The following SDHC variants were observed in gnomAD, a reference collection of about 807,000 sequenced individuals.
SDHC encodes succinate dehydrogenase cytochrome b560 subunit, mitochondrial.
A neutral mutation model predicts 22.6 loss-of-function variants in SDHC; 11 were observed. That is an observed-to-expected ratio of 0.49 (90% CI 0.31 to 0.81). The LOEUF (loss-of-function observed/expected upper bound fraction) is 0.81. SDHC is among the 30% of genes least tolerant of loss of function. SDHC has a pLI of 0.05. For synonymous variants in SDHC, 80 were observed against 77.8 expected (o/e 1.03, Z -0.15); for missense variants, 160 against 212.0 (o/e 0.75, Z 1.52).
chr1:161,347,559 T>A (rs1418705978), intron 4 of SDHC, among the ~76,000 whole-genome samples: 1 of 149,296 alleles, frequency 6.7e-6, no homozygotes, highest in African/African-American at 2.5e-5. Context: ...CCGGCTGAGG[T>A]CTGTTTCTTA....
At chr1:161,342,490 G>A (rs933029359) in intron 4 of SDHC, among the ~76,000 whole-genome samples, 8 of 151,842 alleles carry the variant, frequency 5.3e-5, no homozygotes, top group Non-Finnish European at 1.2e-4. Flanking sequence ...TCTCTCCTGT[G>A]GATAGTTCCC....
intron 3 of SDHC, among the ~76,000 whole-genome samples, chr1:161,334,385 G>A (rs376717073): frequency 3.8e-4 from 58 of 152,062 alleles, no homozygotes; most frequent in Middle Eastern, 3.4e-3. Context: ...CACTGGGCCC[G>A]TCCTAATAAT....
At chr1:161,322,279 T>A (rs534174967) in intron 1 of SDHC, among the ~76,000 whole-genome samples, 2 of 149,110 alleles carry the variant, frequency 1.3e-5, no homozygotes, top group South Asian at 2.2e-4. Context: ...CTCCTTAGAA[T>A]GCCTAGGCAC....
chr1:161,361,138 G>T (rs1672494125), intron 5 of SDHC, among the ~76,000 whole-genome samples: 3 of 152,132 alleles, frequency 2.0e-5, no homozygotes, highest in African/African-American at 7.2e-5. Flanking sequence ...AGAGGCAGGA[G>T]GATAGCTTGA....
chr1:161,358,032 CTTTTTTTT>C (rs34253350), intron 5 of SDHC, among the ~76,000 whole-genome samples: 2 of 104,830 alleles, frequency 1.9e-5, no homozygotes, highest in Admixed American at 1.0e-4. Context: ...GGTTAGGAAT[CTTTTTTTT>C]TTTTTTTTTT....
chr1:161,330,996 CA>C (rs61295520), intron 3 of SDHC, among the ~76,000 whole-genome samples: 34,004 of 101,754 alleles, frequency 0.33, 4,522 homozygotes, highest in African/African-American at 0.45. Context: ...GCTCTGTTTC[CA>C]AAAAAAAAAA....
rs751651691 is a variant in SDHC at position 161,323,700 on chromosome 1, TTA to T, written c.77+32_77+33del. 355 of 1,544,672 alleles carry T rather than the reference TTA, an allele frequency of 2.3e-4. 2 individuals are homozygous for T. The highest frequency in any genetic ancestry group is 7.0e-4 in the East Asian group (30 of 42,726). Reference sequence around the variant, plus strand: ...GTTTCTAAGTCTGGAGATTATTTATTTATTTTTTTTTTTGAGACGGAGTCTCG... The same window carrying T: ...GTTTCTAAGTCTGGAGATTATTTATTTTTTTTTTTTTGAGACGGAGTCTCG... On this transcript the variant is annotated intron_variant, in intron 2 of 5. Transcript: ENST00000367975.
chr1:161,344,685 G>A (rs1261064554), intron 4 of SDHC, among the ~76,000 whole-genome samples: 1 of 152,146 alleles, frequency 6.6e-6, no homozygotes, highest in Non-Finnish European at 1.5e-5. Context: ...CCAGGTGGAT[G>A]ACTTAAGCAA....
At chr1:161,341,405 A>T (rs188170169) in intron 4 of SDHC, among the ~76,000 whole-genome samples, 8 of 152,310 alleles carry the variant, frequency 5.3e-5, no homozygotes, top group Admixed American at 4.6e-4. Context: ...TTATTCATTT[A>T]TATAATATGA....
At position 161,360,839 on chromosome 1, in the gene SDHC, G is replaced by A. The variant is rs181813126; in HGVS notation, c.406-1490G>A. Among the ~76,000 whole-genome samples the A allele has an allele frequency of 2.2e-4, 33 of 152,146 alleles. No homozygotes were observed. The East Asian group carries it at 2.7e-3, about 13-fold the overall frequency. Reference sequence around the variant, plus strand: ...TAGAAAATATAGGCTGGGGCTGGGCGTGGTGGCTCATGCCTGTAATCCCAG... The same window carrying A: ...TAGAAAATATAGGCTGGGGCTGGGCATGGTGGCTCATGCCTGTAATCCCAG... On this transcript the variant is annotated intron_variant, in intron 5 of 5. Transcript: ENST00000367975.
chr1:161,360,198 TTATAA>T (rs1199354452), intron 5 of SDHC, among the ~76,000 whole-genome samples: 3 of 151,992 alleles, frequency 2.0e-5, no homozygotes, highest in Non-Finnish European at 4.4e-5. Flanking sequence ...ATTTAGTGAC[TTATAA>T]TATAATATTA....
At chr1:161,329,193 A>T (rs955744517) in intron 3 of SDHC, among the ~76,000 whole-genome samples, 20 of 152,160 alleles carry the variant, frequency 1.3e-4, no homozygotes, top group Non-Finnish European at 1.8e-4. Context: ...AGTGTGAGCC[A>T]CCATGCCCGG....
intron 3 of SDHC, among the ~76,000 whole-genome samples, chr1:161,339,184 A>G (rs953258638): frequency 6.6e-6 from 1 of 151,472 alleles, no homozygotes; most frequent in African/African-American, 2.4e-5. Flanking sequence ...AACTGTATTT[A>G]TTTATTTAGA....
At chr1:161,358,857 C>T (rs1288612486) in intron 5 of SDHC, among the ~76,000 whole-genome samples, 15 of 149,994 alleles carry the variant, frequency 1.0e-4, no homozygotes. Context: ...ACCCGGGAGG[C>T]AGAGGTTTCA....
chr1:161,336,150 CT>C (rs1160095826), intron 3 of SDHC, among the ~76,000 whole-genome samples: 2 of 152,074 alleles, frequency 1.3e-5, no homozygotes, highest in African/African-American at 2.4e-5. Context: ...GTGAAACTTT[CT>C]TTTTTAAGAG....
chr1:161,318,824 A>G (rs1330320194), intron 1 of SDHC, among the ~76,000 whole-genome samples: 1 of 151,522 alleles, frequency 6.6e-6, no homozygotes, highest in Admixed American at 6.6e-5. Context: ...ACCTGAGGTC[A>G]GGAGTTCAAG....
At chr1:161,320,902 C>T (rs996230079) in intron 1 of SDHC, among the ~76,000 whole-genome samples, 3 of 149,872 alleles carry the variant, frequency 2.0e-5, no homozygotes, top group Non-Finnish European at 4.4e-5. Context: ...TCCCAGCTCA[C>T]TGCAACCTCT....
intron 4 of SDHC, among the ~76,000 whole-genome samples, chr1:161,343,809 A>G (rs116728069): frequency 2.5e-3 from 382 of 152,314 alleles, no homozygotes; most frequent in African/African-American, 8.4e-3. Context: ...TTATCTCAGT[A>G]TATTTGTCAC....
intron 1 of SDHC, among the ~76,000 whole-genome samples, chr1:161,315,248 A>G (rs1470766654): frequency 1.3e-5 from 2 of 152,176 alleles, no homozygotes; most frequent in Non-Finnish European, 2.9e-5. Context: ...GTTAGCTTCA[A>G]TGCTGTTGAG....
Sources: gnomAD v4.1 joint callset for allele counts (sites outside exome capture counted in the v4.1 genomes callset) on GRCh38, gnomAD v4.1.1 for gene constraint, MANE v1.5 for transcripts, NCBI Gene and HGNC (gene_info 2026-07-23, HGNC 2026-07-21) for gene names.